PREPL: variants seen among roughly 807,000 people sequenced by gnomAD.
PREPL encodes prolyl endopeptidase like.
Under a neutral mutation model 70.6 loss-of-function variants are expected in PREPL, and 77 were observed. The ratio of observed to expected loss-of-function variants is 1.09; its 90% CI spans 0.91 to 1.32. The LOEUF (loss-of-function observed/expected upper bound fraction) is 1.32. PREPL is among the 40% of genes most tolerant of loss of function. The pLI, the probability that PREPL is intolerant of heterozygous loss-of-function variation, is 0.00. For synonymous variants in PREPL, 315 were observed against 264.8 expected (o/e 1.19, Z -1.84); for missense variants, 1,002 against 778.2 (o/e 1.29, Z -3.42).
chr2:44,321,583 G>A (rs1672951032), intron 13 of PREPL, 138 bp from the exon 14 acceptor site: 1 of 1,490,690 alleles, frequency 6.7e-7, no homozygotes. Flanking sequence ...ATTCGAGAGA[G>A]AGGCAGAAGG....
intron 8 of PREPL, among the ~76,000 whole-genome samples, chr2:44,331,808 T>TTTACTCTAG (rs1423354121): frequency 6.6e-6 from 1 of 152,174 alleles, no homozygotes; most frequent in East Asian, 1.9e-4. Context: ...ATCAGTCTAG[T>TTTACTCTAG]TTACTCTAGT....
rs527305583 is a variant in PREPL at position 44,345,469 on chromosome 2, G to A, written c.75+799C>T. Among the ~76,000 whole-genome samples, 657 of 151,650 alleles carry A rather than the reference G, an allele frequency of 4.3e-3. 3 individuals are homozygous for A. The highest frequency in any genetic ancestry group is 7.3e-3 in the South Asian group (35 of 4,788). On this transcript the variant is annotated intron_variant, in intron 2 of 13. Transcript: ENST00000409411. ...TGAGTTCAAGTGATTCTCCTGCCTC[G>A]GCCTCCTGAGTGGCTGGGACTACAG...
chr2:44,341,162 A>G (rs1244547182), intron 5 of PREPL, among the ~76,000 whole-genome samples: 2 of 152,134 alleles, frequency 1.3e-5, no homozygotes, highest in Admixed American at 1.3e-4. Context: ...ATCTTATTAA[A>G]AAATTATTTT....
intron 1 of PREPL, among the ~76,000 whole-genome samples, chr2:44,356,623 G>A (rs773245161): frequency 1.3e-5 from 2 of 152,154 alleles, no homozygotes; most frequent in Non-Finnish European, 2.9e-5. Flanking sequence ...TGTGGGGTGA[G>A]ATCCAGGAAT....
chr2:44,345,793 A>T (rs887599943), intron 2 of PREPL, among the ~76,000 whole-genome samples: 5 of 152,232 alleles, frequency 3.3e-5, no homozygotes, highest in Non-Finnish European at 7.3e-5. Flanking sequence ...ATTTTCAAAT[A>T]ATAACAAAGT....
intron 1 of PREPL, among the ~76,000 whole-genome samples, chr2:44,361,039 G>C (rs1367103213): frequency 6.6e-6 from 1 of 152,122 alleles, no homozygotes; most frequent in Non-Finnish European, 1.5e-5. Flanking sequence ...AAAAAAAGGG[G>C]AAAAAAGACC....
At chr2:44,325,853 A>T (rs1673438427) in intron 10 of PREPL, among the ~76,000 whole-genome samples, 1 of 152,222 alleles carries the variant, frequency 6.6e-6, no homozygotes, top group South Asian at 2.1e-4. Context: ...TAGGAGAATG[A>T]TAGCAGTGAA....
At chr2:44,348,647 T>G (rs1197301153) in intron 1 of PREPL, among the ~76,000 whole-genome samples, 1 of 152,252 alleles carries the variant, frequency 6.6e-6, no homozygotes, top group African/African-American at 2.4e-5. Context: ...TGATTAACAT[T>G]TTTTCTGTCA....
At chr2:44,359,613 C>G in intron 1 of PREPL, 1 of 1,611,264 alleles carries the variant, frequency 6.2e-7, no homozygotes, top group Non-Finnish European at 8.5e-7. Flanking sequence ...TAACAATGAT[C>G]AGCGAAGTTA....
chr2:44,338,034 T>G (rs1380959209), intron 7 of PREPL, among the ~76,000 whole-genome samples: 1 of 152,092 alleles, frequency 6.6e-6, no homozygotes, highest in Non-Finnish European at 1.5e-5. Flanking sequence ...TTGGCCTGAG[T>G]TTTTACTATA....
Position 44,318,327 on chromosome 2 carries a change from G to A in PREPL, c.*3029C>T, listed in dbSNP as rs186636011. The A allele has an allele frequency of 4.9e-6, 1 of 205,288 alleles. No homozygotes were observed. The highest frequency in any genetic ancestry group is 1.7e-4 in the East Asian group (1 of 6,040). The allele number at this position is 205,288 out of a possible 1,614,324, so 12.7% of individuals were successfully genotyped here. Reference sequence around the variant, plus strand: ...GGCTGGTCTTGAACTCCTGACCTCTGGTGATCTGTCTGCCTTGCCTCCCAA... The same window carrying A: ...GGCTGGTCTTGAACTCCTGACCTCTAGTGATCTGTCTGCCTTGCCTCCCAA... On this transcript the variant is annotated 3_prime_UTR_variant, in exon 14 of 14. Transcript: ENST00000409411.
chr2:44,336,001 G>A (rs994317746), intron 7 of PREPL, among the ~76,000 whole-genome samples: 17 of 151,900 alleles, frequency 1.1e-4, no homozygotes, highest in African/African-American at 4.1e-4. Context: ...AAACCACAAC[G>A]AGATACCATC....
chr2:44,359,751 C>A, intron 1 of PREPL: 1 of 1,422,418 alleles, frequency 7.0e-7, no homozygotes, highest in Non-Finnish European at 9.9e-7. Flanking sequence ...CCTTTTGGGG[C>A]TGCCAGCACA....
intron 4 of PREPL, 123 bp downstream of exon 4, chr2:44,343,622 T>C (rs1675461290): frequency 2.6e-6 from 2 of 778,578 alleles, no homozygotes; most frequent in East Asian, 2.5e-5. Context: ...GGAAGATGTA[T>C]AGTCCATAGG....
At chr2:44,352,401 G>T (rs1162197879) in intron 1 of PREPL, among the ~76,000 whole-genome samples, 1 of 152,000 alleles carries the variant, frequency 6.6e-6, no homozygotes, top group African/African-American at 2.4e-5. Flanking sequence ...AAGTAGCTGA[G>T]ACTACAGGCG....
chr2:44,323,158 G>A, intron 11 of PREPL, 104 bp downstream of exon 11: 2 of 1,172,858 alleles, frequency 1.7e-6, no homozygotes, highest in Non-Finnish European at 2.4e-6. Context: ...ATCATAAGTA[G>A]AAACATCTCT....
In PREPL at chr2:44,320,682, T is replaced by C. The variant is rs201758843; in HGVS notation, c.*674A>G. ...TGAAGACACTGGCATTTCAGTGGGA[T>C]TGTAAGCATTTGTAATAGCTTCATG... On this transcript the variant is annotated 3_prime_UTR_variant, in exon 14 of 14. Coordinates refer to ENST00000409411, the MANE Select transcript of PREPL (RefSeq NM_001171613.2). 1 of 1,411,802 alleles carries C rather than the reference T, an allele frequency of 7.1e-7. No homozygotes were observed. The highest frequency in any genetic ancestry group is 1.0e-6 in the Non-Finnish European group (1 of 996,274). 87.5% of individuals were successfully genotyped at this position (1,411,802 alleles called of 1,614,324 possible).
chr2:44,359,669 A>G, intron 1 of PREPL: 3 of 1,613,336 alleles, frequency 1.9e-6, no homozygotes, highest in Non-Finnish European at 2.5e-6. Context: ...AAGGTGAGGA[A>G]TACTATACTT....
At chr2:44,353,744 C>A (rs1378795211) in intron 1 of PREPL, among the ~76,000 whole-genome samples, 5 of 152,006 alleles carry the variant, frequency 3.3e-5, no homozygotes, top group African/African-American at 1.2e-4. Context: ...AGAAAGGACA[C>A]CAAGACAATT....
Sources: allele counts gnomAD v4.1 joint callset (sites outside exome capture counted in the v4.1 genomes callset), GRCh38; gene constraint gnomAD v4.1.1; transcripts MANE v1.5; gene names NCBI Gene and HGNC (gene_info 2026-07-23, HGNC 2026-07-21).